The following PTCHD4 variants were observed in gnomAD, a reference collection of about 807,000 sequenced individuals.
The protein encoded by PTCHD4 is patched domain containing 4, also known as patched domain-containing protein 4.
PTCHD4 carries 33 observed loss-of-function variants against 58.1 expected under a neutral mutation model. The observed-to-expected ratio is 0.57, with a 90% CI of 0.43 to 0.76. The LOEUF is 0.76. PTCHD4 is among the 30% of genes least tolerant of loss of function. The probability of loss-of-function intolerance (pLI) is 0.00; values close to 1 mark genes in which losing one functional copy is unlikely to be tolerated. For synonymous variants in PTCHD4, 478 were observed against 409.6 expected, an observed-to-expected ratio of 1.17 and a Z score of -2.02; for missense variants, 1,058 against 1,027.1, an observed-to-expected ratio of 1.03 and a Z score of -0.41.
intron 4 of PTCHD4, among the ~76,000 whole-genome samples, chr6:47,989,134 C>G (rs1001670976): frequency 2.0e-5 from 3 of 152,158 alleles, no homozygotes; most frequent in Admixed American, 6.5e-5. Context: ...AACAGACTGG[C>G]AGTATTTTGC....
At chr6:47,952,776 G>A (rs911698119) in intron 4 of PTCHD4, among the ~76,000 whole-genome samples, 2 of 152,008 alleles carry the variant, frequency 1.3e-5, no homozygotes, top group Non-Finnish European at 2.9e-5. Flanking sequence ...TATCATTTCA[G>A]TTTGTGTAAG....
At chr6:48,040,884 C>A (rs1393034638) in intron 3 of PTCHD4, among the ~76,000 whole-genome samples, 2 of 152,006 alleles carry the variant, frequency 1.3e-5, no homozygotes, top group African/African-American at 4.8e-5. Flanking sequence ...GCAGCACCTA[C>A]AAAGACGTAA....
chr6:47,922,535 A>T (rs1031246515), intron 4 of PTCHD4, among the ~76,000 whole-genome samples: 10 of 152,186 alleles, frequency 6.6e-5, no homozygotes, highest in African/African-American at 2.4e-4. Context: ...GAGAGGGCTC[A>T]TTGTGGGGAC....
At chr6:48,065,182 A>G (rs780046441) in intron 3 of PTCHD4, among the ~76,000 whole-genome samples, 1 of 152,200 alleles carries the variant, frequency 6.6e-6, no homozygotes, top group Non-Finnish European at 1.5e-5. Flanking sequence ...CACTTCTGTC[A>G]GTCAATCAGT....
chr6:47,877,747 C>A lies in PTCHD4; in HGVS notation c.*556G>T, dbSNP rs763482770. ...CTCCCTCCACATAAACGTCAATGTA[C>A]CCTAAAGACAAAACTAAGTATATGT... On this transcript the variant is annotated 3_prime_UTR_variant, in exon 5 of 5. Transcript: ENST00000339488. 7.9e-5 allele frequency among the ~76,000 whole-genome samples: 12 copies of A among 151,922 alleles called. No individual in the cohort carries two copies. Among genetic ancestry groups the A allele is most frequent in the Non-Finnish European group, 1.6e-4 (11 of 67,970 alleles).
chr6:47,956,131 T>C (rs1347240627), intron 4 of PTCHD4, among the ~76,000 whole-genome samples: 1 of 152,232 alleles, frequency 6.6e-6, no homozygotes, highest in African/African-American at 2.4e-5. Flanking sequence ...AGATTTTCTT[T>C]TCATTGAGAG....
chr6:47,893,796 A>G (rs550389418), intron 4 of PTCHD4, among the ~76,000 whole-genome samples: 1 of 152,350 alleles, frequency 6.6e-6, no homozygotes, highest in Admixed American at 6.5e-5. Flanking sequence ...TACCAGGCCT[A>G]GAGCAGAGTT....
intron 3 of PTCHD4, among the ~76,000 whole-genome samples, chr6:48,022,609 C>T (rs145884595): frequency 1.0e-3 from 155 of 152,166 alleles, no homozygotes; most frequent in Middle Eastern, 3.4e-3. Flanking sequence ...GAATAGGAGA[C>T]GAGGGTGCAA....
chr6:47,909,176 AT>A (rs1764990137), intron 4 of PTCHD4, among the ~76,000 whole-genome samples: 1 of 152,188 alleles, frequency 6.6e-6, no homozygotes, highest in Admixed American at 6.5e-5. Context: ...TGAGATAAAA[AT>A]TATTATTGTA....
In PTCHD4 at chr6:47,877,131, A is replaced by T. The variant is rs1763867982; in HGVS notation, c.*1172T>A. Among the ~76,000 whole-genome samples, 1 of 152,066 alleles carries T rather than the reference A, an allele frequency of 6.6e-6. No homozygotes were observed. Among genetic ancestry groups the T allele is most frequent in the East Asian group, 1.9e-4 (1 of 5,166 alleles). ...GAATAGTTTCCTTATGCTAAGAACTAGTAGATGGCATGTGATGAGTGGGTA... is the reference window on the plus strand; with the variant it reads ...GAATAGTTTCCTTATGCTAAGAACTTGTAGATGGCATGTGATGAGTGGGTA... On this transcript the variant is annotated 3_prime_UTR_variant, in exon 5 of 5. Coordinates refer to ENST00000339488, the MANE Select transcript of PTCHD4 (RefSeq NM_001384253.1).
At chr6:47,941,162 TG>T (rs1282881914) in intron 4 of PTCHD4, among the ~76,000 whole-genome samples, 5 of 152,218 alleles carry the variant, frequency 3.3e-5, no homozygotes, top group African/African-American at 1.2e-4. Flanking sequence ...CCTTGCTAGC[TG>T]GGTTTCTGAT....
chr6:48,071,210 C>T (rs1452502854), intron 1 of PTCHD4, among the ~76,000 whole-genome samples: 1 of 152,160 alleles, frequency 6.6e-6, no homozygotes, highest in East Asian at 1.9e-4. Flanking sequence ...TTCTTATTCG[C>T]TTCATTTCCC....
At position 48,009,047 on chromosome 6, in the gene PTCHD4, T is replaced by C. The variant is rs1282064075; in HGVS notation, c.485A>G (p.Gln162Arg). ...AATGGCTCTGGCTGACTTGACCCGC[T>C]GATCTTTGCTGTTTGGCACTTCCAC... is the stretch of plus-strand genomic sequence containing the variant. ...GVVEVPNSKD[Q>R]RVKSARAIQI... Residue 162 changes from glutamine to arginine, a missense_variant, in exon 4 of 5, where the codon CAG (glutamine) becomes CGG (arginine). Coordinates refer to ENST00000339488, the MANE Select transcript of PTCHD4 (RefSeq NM_001384253.1). The C allele has an allele frequency of 6.2e-7, 1 of 1,613,928 alleles. No individual in the cohort carries two copies. The highest frequency in any genetic ancestry group is 8.5e-7 in the Non-Finnish European group (1 of 1,179,860).
intron 4 of PTCHD4, among the ~76,000 whole-genome samples, chr6:47,969,809 C>CT (rs1432114810): frequency 6.6e-6 from 1 of 152,072 alleles, no homozygotes; most frequent in East Asian, 1.9e-4. Context: ...AGACTCCAGT[C>CT]TTTTTTCTTG....
At chr6:47,892,301 A>T (rs1318736643) in intron 4 of PTCHD4, among the ~76,000 whole-genome samples, 1 of 152,192 alleles carries the variant, frequency 6.6e-6, no homozygotes, top group African/African-American at 2.4e-5. Flanking sequence ...TAAAAAAGAA[A>T]ATAATAAATA....
chr6:48,045,538 C>T (rs1764004203), intron 3 of PTCHD4, among the ~76,000 whole-genome samples: 1 of 151,648 alleles, frequency 6.6e-6, no homozygotes, highest in Non-Finnish European at 1.5e-5. Flanking sequence ...ATTTATTGTT[C>T]TTCCCTTCAG....
At chr6:47,897,411 C>A (rs1476940190) in intron 4 of PTCHD4, among the ~76,000 whole-genome samples, 1 of 152,180 alleles carries the variant, frequency 6.6e-6, no homozygotes, top group Non-Finnish European at 1.5e-5. Flanking sequence ...ATGACGCAGT[C>A]CTGGACTTGT....
At chr6:48,002,144 T>C (rs374025125) in intron 4 of PTCHD4, among the ~76,000 whole-genome samples, 6 of 152,106 alleles carry the variant, frequency 3.9e-5, no homozygotes, top group African/African-American at 9.7e-5. Context: ...GAAATAGGAA[T>C]ACTTTTACAC....
At chr6:47,894,380 A>G (rs1360256320) in intron 4 of PTCHD4, among the ~76,000 whole-genome samples, 1 of 152,240 alleles carries the variant, frequency 6.6e-6, no homozygotes, top group East Asian at 1.9e-4. Context: ...GCAACACGGC[A>G]GAGGGGTCTG....
Sources: gnomAD v4.1 joint callset for allele counts (sites outside exome capture counted in the v4.1 genomes callset) on GRCh38, gnomAD v4.1.1 for gene constraint, MANE v1.5 for transcripts, NCBI Gene and HGNC (gene_info 2026-07-23, HGNC 2026-07-21) for gene names.